OPA1: variants seen among roughly 807,000 people sequenced by gnomAD.
OPA1 encodes OPA1 mitochondrial dynamin like GTPase.
Under a neutral mutation model 152.9 loss-of-function variants are expected in OPA1, and 59 were observed. The observed-to-expected ratio is 0.39, with a 90% CI of 0.31 to 0.48. The LOEUF is 0.48. Ranked by LOEUF, OPA1 falls within the 20% of genes least tolerant of loss-of-function variation. OPA1 has a pLI of 0.96. For synonymous variants in OPA1, 400 were observed against 389.9 expected (o/e 1.03, Z -0.31); for missense variants, 1,008 against 1,216.8 (o/e 0.83, Z 2.55).
At chr3:193,602,253 C>G (rs891835361) in intron 1 of OPA1, among the ~76,000 whole-genome samples, 16 of 152,014 alleles carry the variant, frequency 1.1e-4, no homozygotes, top group African/African-American at 3.9e-4. Context: ...AGATGTGGAC[C>G]CATGGTTCAA....
chr3:193,615,931 C>T (rs1405323907), intron 3 of OPA1, among the ~76,000 whole-genome samples, 161 bp downstream of exon 3: 1 of 152,014 alleles, frequency 6.6e-6, no homozygotes, highest in Non-Finnish European at 1.5e-5. Context: ...AAAAGAAATA[C>T]CCAGTAGCCC....
At chr3:193,624,541 T>A (rs1730715686) in intron 6 of OPA1, among the ~76,000 whole-genome samples, 1 of 152,164 alleles carries the variant, frequency 6.6e-6, no homozygotes. Flanking sequence ...TAATTTTTTT[T>A]AAAGGTAAAA....
intron 11 of OPA1, among the ~76,000 whole-genome samples, chr3:193,639,133 G>A (rs1022403810): frequency 3.3e-5 from 5 of 152,152 alleles, no homozygotes; most frequent in African/African-American, 9.7e-5. Context: ...ACAGGAAGAA[G>A]GTATGGGGCT....
chr3:193,637,095 A>G, intron 9 of OPA1, 100 bp from the exon 10 acceptor site: 2 of 652,268 alleles, frequency 3.1e-6, no homozygotes, highest in Admixed American at 2.9e-5. Context: ...TGATTATGGA[A>G]AAACAATTTG....
intron 2 of OPA1, among the ~76,000 whole-genome samples, chr3:193,615,376 C>T (rs949272777): frequency 1.4e-4 from 21 of 152,314 alleles, no homozygotes; most frequent in African/African-American, 5.1e-4. Flanking sequence ...GGACCAGAGG[C>T]AAGGCGTCCT....
intron 29 of OPA1, among the ~76,000 whole-genome samples, chr3:193,679,421 C>G (rs962946876): frequency 6.6e-6 from 1 of 152,014 alleles, no homozygotes; most frequent in South Asian, 2.1e-4. Flanking sequence ...TTATGTAGTG[C>G]TTTATTTTAC....
chr3:193,615,623 T>C, intron 2 of OPA1, 51 bp from the exon 3 acceptor site: 1 of 969,226 alleles, frequency 1.0e-6, no homozygotes, highest in Admixed American at 1.7e-5. Flanking sequence ...TTTCTTTACA[T>C]GTTTATTTGG....
At chr3:193,634,185 G>A (rs949659109) in intron 8 of OPA1, among the ~76,000 whole-genome samples, 4 of 151,560 alleles carry the variant, frequency 2.6e-5, no homozygotes, top group Non-Finnish European at 5.9e-5. Context: ...TTTTCTCTGT[G>A]TTGTTAATGT....
intron 1 of OPA1, among the ~76,000 whole-genome samples, chr3:193,609,736 T>C (rs535771401): frequency 6.6e-6 from 1 of 152,284 alleles, no homozygotes; most frequent in Non-Finnish European, 1.5e-5. Flanking sequence ...TTTGTTCGTT[T>C]CTTTTTATTC....
rs1553798940 is a variant in OPA1, at chr3:193,696,339, AC to A, written c.*1740del. 1 of 152,240 alleles carries A rather than the reference AC, an allele frequency of 6.6e-6. No individual in the cohort carries two copies. The highest frequency in any genetic ancestry group is 1.5e-5 in the Non-Finnish European group (1 of 68,042). 9.4% of individuals were successfully genotyped at this position (152,240 alleles called of 1,614,324 possible). ...GCTAATATTAGTCACTACTGTTATCACATCCCTTTGTATAAGTTTTAAAAAG... is the reference window on the plus strand; with the variant it reads ...GCTAATATTAGTCACTACTGTTATCAATCCCTTTGTATAAGTTTTAAAAAG... On this transcript the variant is annotated 3_prime_UTR_variant, in exon 31 of 31. Coordinates refer to ENST00000361510, the MANE Select transcript of OPA1 (RefSeq NM_130837.3).
intron 11 of OPA1, among the ~76,000 whole-genome samples, chr3:193,642,408 A>C (rs561385250): frequency 6.6e-6 from 1 of 152,332 alleles, no homozygotes; most frequent in East Asian, 1.9e-4. Context: ...GGTTAAATGC[A>C]AGGTTTCCTT....
chr3:193,652,394 C>CAA (rs79320293), intron 21 of OPA1, among the ~76,000 whole-genome samples: 2 of 138,520 alleles, frequency 1.4e-5, no homozygotes, highest in East Asian at 2.0e-4. Flanking sequence ...AACAAACAAA[C>CAA]AAAAAAAAAA....
rs79606277 is a variant in OPA1, at chr3:193,617,870, A to T, written c.610+33A>T. On this transcript the variant is annotated intron_variant, in intron 5 of 30. Coordinates refer to ENST00000361510, the MANE Select transcript of OPA1 (RefSeq NM_130837.3). ...AACAGACATTTTTGCTGACCTTAACATGCCTTTTAAATGCTTCTAATAAAC... is the reference window on the plus strand; with the variant it reads ...AACAGACATTTTTGCTGACCTTAACTTGCCTTTTAAATGCTTCTAATAAAC... 1,180 of 1,509,254 alleles carry T rather than the reference A, an allele frequency of 7.8e-4. 10 individuals carry two copies. In the African/African-American group the frequency reaches 0.013, roughly 17 times the overall value. 93.5% of individuals were successfully genotyped at this position (1,509,254 alleles called of 1,614,324 possible).
chr3:193,632,698 G>A (rs1032586736), intron 8 of OPA1, among the ~76,000 whole-genome samples: 3 of 151,672 alleles, frequency 2.0e-5, no homozygotes, highest in African/African-American at 4.8e-5. Context: ...GAGAAACCCC[G>A]TATCTATAAA....
chr3:193,663,815 G>GTTATATACATCTAGCATTAT lies in OPA1; in HGVS notation c.2661+861_2661+880dup, dbSNP rs1392653109. Among the ~76,000 whole-genome samples, 45 of 152,114 alleles carry GTTATATACATCTAGCATTAT rather than the reference G, an allele frequency of 3.0e-4. No homozygotes were observed. The East Asian group carries it at 8.5e-3, about 29-fold the overall frequency. ...AATAAAATTGGTAAAACTCAAAGCA[G>GTTATATACATCTAGCATTAT]TTATATACATCTAGCATTATTTATA... On this transcript the variant is annotated intron_variant, in intron 26 of 30. Coordinates refer to ENST00000361510, the MANE Select transcript of OPA1 (RefSeq NM_130837.3).
chr3:193,596,306 T>TTTTCTTTTCTTTTCTTTTCTTTTCC (rs1335150236), intron 1 of OPA1, among the ~76,000 whole-genome samples: 6 of 105,412 alleles, frequency 5.7e-5, no homozygotes, highest in African/African-American at 2.3e-4. Context: ...TTTTCTTTTC[T>TTTTCTTTTCTTTTCTTTTCTTTTCC]TTTCCTTTCC....
At chr3:193,626,045 A>G in intron 6 of OPA1, 47 bp from the exon 7 acceptor site, 1 of 1,420,604 alleles carries the variant, frequency 7.0e-7, no homozygotes, top group Non-Finnish European at 1.0e-6. Context: ...GTTTAACATT[A>G]TTCTCCTCCC....
intron 23 of OPA1, 103 bp from the exon 24 acceptor site, chr3:193,658,784 A>G: frequency 5.0e-6 from 4 of 793,924 alleles, no homozygotes. Flanking sequence ...TGGTTTATAT[A>G]CATGGTTATT....
intron 1 of OPA1, among the ~76,000 whole-genome samples, chr3:193,607,054 A>T (rs1376639396): frequency 6.6e-6 from 1 of 152,208 alleles, no homozygotes; most frequent in Admixed American, 6.5e-5. Flanking sequence ...TTTTGGCTGC[A>T]TAAATGTCTT....
Sources: gnomAD v4.1 joint callset for allele counts (sites outside exome capture counted in the v4.1 genomes callset) on GRCh38, gnomAD v4.1.1 for gene constraint, MANE v1.5 for transcripts, NCBI Gene and HGNC (gene_info 2026-07-23, HGNC 2026-07-21) for gene names.